CDH13: variants seen among roughly 807,000 people sequenced by gnomAD.
CDH13 encodes the protein cadherin 13.
In CDH13, 24 loss-of-function variants were observed where a neutral mutation model predicts 63.8. The ratio of observed to expected loss-of-function variants is 0.38; its 90% CI spans 0.27 to 0.53. The LOEUF (loss-of-function observed/expected upper bound fraction) is 0.53, where lower values mean the gene tolerates loss of function less well. Among genes scored for constraint, CDH13 ranks in the 20% least tolerant of loss-of-function variants. The pLI, the probability that CDH13 is intolerant of heterozygous loss-of-function variation, is 0.85. For missense variants in CDH13, 1,049 were observed against 903.1 expected (o/e 1.16, Z -2.07); for synonymous variants, 503 against 355.3 (o/e 1.42, Z -4.67).
At chr16:82,854,343 G>A (rs931551881) in intron 1 of CDH13, among the ~76,000 whole-genome samples, 3 of 147,482 alleles carry the variant, frequency 2.0e-5, no homozygotes, top group African/African-American at 7.5e-5. Flanking sequence ...GGGGCTTGCA[G>A]TGAGCCAAGA....
Position 83,408,465 on chromosome 16 carries a change from G to A in CDH13, c.781+63459G>A, listed in dbSNP as rs556194684. 1.9e-4 allele frequency among the ~76,000 whole-genome samples: 29 copies of A among 152,154 alleles called. No individual in the cohort carries two copies. The South Asian group carries it at 5.6e-3, about 29-fold the overall frequency. On this transcript the variant is annotated intron_variant, in intron 6 of 13. Coordinates refer to ENST00000567109, the MANE Select transcript of CDH13 (RefSeq NM_001257.5). ...TTGCGCCTAGGCTACAAACCTGTACGGCTGTTACTCTATTGAATACTGTAA... is the reference window on the plus strand; with the variant it reads ...TTGCGCCTAGGCTACAAACCTGTACAGCTGTTACTCTATTGAATACTGTAA...
At chr16:82,793,712 TGTGCTGCTC>T (rs2036434616) in intron 1 of CDH13, among the ~76,000 whole-genome samples, 1 of 152,176 alleles carries the variant, frequency 6.6e-6, no homozygotes, top group Non-Finnish European at 1.5e-5. Context: ...TGTAGATGAC[TGTGCTGCTC>T]GAGATGCTTG....
intron 5 of CDH13, among the ~76,000 whole-genome samples, chr16:83,232,481 C>T (rs1256137855): frequency 1.3e-5 from 2 of 151,092 alleles, no homozygotes; most frequent in Admixed American, 6.6e-5. Flanking sequence ...GCCAAGATTG[C>T]GCCAGCTGCA....
chr16:82,656,723 C>G (rs1911337711), intron 1 of CDH13, among the ~76,000 whole-genome samples: 1 of 152,150 alleles, frequency 6.6e-6, no homozygotes, highest in Non-Finnish European at 1.5e-5. Flanking sequence ...AATACTTGCT[C>G]TGCCTATTTG....
chr16:82,692,948 G>T (rs1043629871), intron 1 of CDH13, among the ~76,000 whole-genome samples: 1 of 152,130 alleles, frequency 6.6e-6, no homozygotes, highest in African/African-American at 2.4e-5. Flanking sequence ...ATTGAGGGAG[G>T]TGTCTTCTGT....
intron 1 of CDH13, among the ~76,000 whole-genome samples, chr16:82,751,347 A>G (rs1285554015): frequency 2.0e-5 from 3 of 152,168 alleles, no homozygotes; most frequent in Admixed American, 2.0e-4. Flanking sequence ...GCCCAAAGGA[A>G]CAATGGAGCA....
At chr16:83,115,849 A>T (rs1431520746) in intron 3 of CDH13, among the ~76,000 whole-genome samples, 4 of 152,312 alleles carry the variant, frequency 2.6e-5, no homozygotes, top group African/African-American at 9.6e-5. Flanking sequence ...TTTTTCTATT[A>T]TGCAAAGCCA....
chr16:83,738,742 C>G (rs567085340), intron 10 of CDH13, among the ~76,000 whole-genome samples: 13 of 152,266 alleles, frequency 8.5e-5, no homozygotes, highest in African/African-American at 3.1e-4. Context: ...CCCATCACTA[C>G]TAAACATACA....
At chr16:83,412,843 T>G (rs1389092130) in intron 6 of CDH13, among the ~76,000 whole-genome samples, 1 of 152,246 alleles carries the variant, frequency 6.6e-6, no homozygotes, top group African/African-American at 2.4e-5. Context: ...ACTGCAGCTT[T>G]GGGAAATTCC....
chr16:83,508,339 C>A (rs570425242), intron 7 of CDH13: 1 of 154,704 alleles, frequency 6.5e-6, no homozygotes, highest in East Asian at 1.9e-4. Context: ...TTTTGCGTTG[C>A]CCCATGGCTG....
chr16:83,059,437 G>A (rs1367933728), intron 3 of CDH13, among the ~76,000 whole-genome samples: 1 of 152,242 alleles, frequency 6.6e-6, no homozygotes, highest in East Asian at 1.9e-4. Context: ...AGGTGAGTGT[G>A]TGCTCAAAAA....
chr16:83,245,329 T>C (rs9933316), intron 5 of CDH13, among the ~76,000 whole-genome samples: 151,602 of 152,312 alleles, frequency 1, 75,451 homozygotes, highest in Non-Finnish European at 1. Flanking sequence ...AATGTAGCAT[T>C]AAATGCTGAG....
At chr16:82,974,881 T>C (rs958232737) in intron 2 of CDH13, among the ~76,000 whole-genome samples, 1 of 152,218 alleles carries the variant, frequency 6.6e-6, no homozygotes, top group Non-Finnish European at 1.5e-5. Context: ...TTTGTGTTGC[T>C]TTAAGCCATT....
At chr16:82,732,907 C>T (rs1310767751) in intron 1 of CDH13, among the ~76,000 whole-genome samples, 1 of 152,128 alleles carries the variant, frequency 6.6e-6, no homozygotes, top group Non-Finnish European at 1.5e-5. Context: ...AGAGGGAATT[C>T]CTATCTGGAA....
At chr16:82,916,149 G>T (rs375332149) in intron 2 of CDH13, among the ~76,000 whole-genome samples, 5 of 152,226 alleles carry the variant, frequency 3.3e-5, no homozygotes, top group African/African-American at 1.2e-4. Context: ...TAAAGCAAGC[G>T]TTTATTTGTC....
At chr16:83,141,763 C>T (rs1052828810) in intron 4 of CDH13, among the ~76,000 whole-genome samples, 10 of 152,122 alleles carry the variant, frequency 6.6e-5, no homozygotes, top group African/African-American at 2.2e-4. Flanking sequence ...TGAGAATATG[C>T]GGCATTTGGT....
At chr16:83,770,800 T>C (rs1914708631) in intron 11 of CDH13, among the ~76,000 whole-genome samples, 1 of 152,142 alleles carries the variant, frequency 6.6e-6, no homozygotes, top group Non-Finnish European at 1.5e-5. Flanking sequence ...TGGTGGGTTT[T>C]GGCCAGCTTC....
At chr16:83,395,147 C>CA (rs56374797) in intron 6 of CDH13, among the ~76,000 whole-genome samples, 72,507 of 106,522 alleles carry the variant, frequency 0.68, 24,972 homozygotes, top group South Asian at 0.82. Context: ...GACTCCATCT[C>CA]AAAAAAAAAA....
At chr16:83,496,323 T>C (rs1245372636) in intron 7 of CDH13, among the ~76,000 whole-genome samples, 3 of 146,320 alleles carry the variant, frequency 2.1e-5, no homozygotes, top group Admixed American at 6.9e-5. Flanking sequence ...TATAGATCAA[T>C]GGAACAGAAC....
Sources: gnomAD v4.1 joint callset for allele counts (sites outside exome capture counted in the v4.1 genomes callset) on GRCh38, gnomAD v4.1.1 for gene constraint, MANE v1.5 for transcripts, NCBI Gene and HGNC (gene_info 2026-07-23, HGNC 2026-07-21) for gene names.